Variants in FBXO9 observed in about 807,000 individuals in gnomAD.
FBXO9 encodes the protein F-box protein 9.
In FBXO9, 43 loss-of-function variants were observed where a neutral mutation model predicts 63.7. The observed-to-expected ratio is 0.67, with a 90% CI of 0.53 to 0.87. The LOEUF (loss-of-function observed/expected upper bound fraction) is 0.87. FBXO9 is among the 40% of genes least tolerant of loss of function. FBXO9 has a pLI of 0.00. For synonymous variants in FBXO9, 156 were observed against 171.7 expected, an observed-to-expected ratio of 0.91 and a Z score of 0.72; for missense variants, 442 against 533.2, an observed-to-expected ratio of 0.83 and a Z score of 1.68.
Position 53,099,741 on chromosome 6 carries a change from CAAAAAA to C in FBXO9, c.*1912_*1917del, listed in dbSNP as rs1212975858. Reference sequence around the variant, plus strand: ...TGGGTGAGAAAGCGAGACCCTGTCTCAAAAAAGAAAAAAAAGAGAGGTTGGCCTTTT... The same window carrying C: ...TGGGTGAGAAAGCGAGACCCTGTCTCGAAAAAAAAGAGAGGTTGGCCTTTT... On this transcript the variant is annotated 3_prime_UTR_variant, in exon 13 of 13. Transcript: ENST00000323557. 2.0e-5 allele frequency: 3 copies of C among 151,310 alleles called. No individual in the cohort carries two copies. The highest frequency in any genetic ancestry group is 7.3e-5 in the African/African-American group (3 of 41,136). 9.4% of individuals were successfully genotyped at this position (151,310 alleles called of 1,614,324 possible).
At chr6:53,090,737 C>T (rs537136490) in intron 7 of FBXO9, among the ~76,000 whole-genome samples, 4 of 152,054 alleles carry the variant, frequency 2.6e-5, no homozygotes, top group East Asian at 1.9e-4. Context: ...CTGGAGTGCA[C>T]TGACACCATC....
chr6:53,065,744 A>AGGG lies in FBXO9; in HGVS notation c.-43_-41dup. 7.0e-7 allele frequency: 1 copy of AGGG among 1,422,342 alleles called. No homozygotes were observed. 88.1% of individuals were successfully genotyped at this position (1,422,342 alleles called of 1,614,324 possible). Reference sequence around the variant, plus strand: ...ACCCCTCCTCCGGGGGGCGGTGCAGAGGGGGCACGGAGAGCCCCTCGAGCG... The same window carrying AGGG: ...ACCCCTCCTCCGGGGGGCGGTGCAGAGGGGGGGGCACGGAGAGCCCCTCGAGCG... On this transcript the variant is annotated 5_prime_UTR_variant, in exon 1 of 13. Coordinates refer to ENST00000323557, the MANE Select transcript of FBXO9 (RefSeq NM_033480.3).
At chr6:53,077,843 G>C (rs984016382) in intron 4 of FBXO9, among the ~76,000 whole-genome samples, 6 of 152,160 alleles carry the variant, frequency 3.9e-5, no homozygotes, top group Admixed American at 6.5e-5. Flanking sequence ...AATTCATCCA[G>C]AATAATAGAA....
At chr6:53,073,387 C>T (rs924636215) in intron 2 of FBXO9, 94 bp from the exon 3 acceptor site, 37 of 918,136 alleles carry the variant, frequency 4.0e-5, no homozygotes, top group Middle Eastern at 2.2e-4. Flanking sequence ...TAAGTATATA[C>T]GTGGAAGTAG....
At chr6:53,077,684 A>G (rs1044065850) in intron 4 of FBXO9, among the ~76,000 whole-genome samples, 2 of 152,168 alleles carry the variant, frequency 1.3e-5, no homozygotes, top group East Asian at 1.9e-4. Flanking sequence ...AAATGCCCCA[A>G]AACTAACATC....
At chr6:53,072,120 G>T (rs1431242919) in intron 2 of FBXO9, among the ~76,000 whole-genome samples, 1 of 151,800 alleles carries the variant, frequency 6.6e-6, no homozygotes, top group Non-Finnish European at 1.5e-5. Flanking sequence ...AGATTCTGCA[G>T]GTCAGAGATC....
At chr6:53,082,437 TG>T in intron 6 of FBXO9, 66 bp from the exon 7 acceptor site, 1 of 1,012,212 alleles carries the variant, frequency 9.9e-7, no homozygotes, top group Non-Finnish European at 1.5e-6. Context: ...ATAAATGTAC[TG>T]GGAATGTAGT....
chr6:53,097,666 A>G, intron 12 of FBXO9, 56 bp from the exon 13 acceptor site: 1 of 1,039,274 alleles, frequency 9.6e-7, no homozygotes, highest in Non-Finnish European at 1.4e-6. Context: ...ACACACAAGG[A>G]TTTTAAATGA....
intron 12 of FBXO9, among the ~76,000 whole-genome samples, 155 bp from the exon 13 acceptor site, chr6:53,097,567 G>A (rs988744416): frequency 2.0e-5 from 3 of 151,712 alleles, no homozygotes; most frequent in Non-Finnish European, 2.9e-5. Context: ...TAAATTTTTC[G>A]AGTTTTCTAC....
chr6:53,094,422 G>GA (rs1055400437), intron 11 of FBXO9, among the ~76,000 whole-genome samples: 6 of 151,812 alleles, frequency 4.0e-5, no homozygotes, highest in South Asian at 2.1e-4. Flanking sequence ...CTTAAAAAAG[G>GA]AAAAAAATGC....
intron 4 of FBXO9, among the ~76,000 whole-genome samples, chr6:53,077,075 T>G (rs913571935): frequency 8.5e-5 from 13 of 152,150 alleles, no homozygotes; most frequent in African/African-American, 3.1e-4. Flanking sequence ...AAATATGCTC[T>G]TTTTATAGGT....
intron 1 of FBXO9, chr6:53,070,801 CG>C (rs780827527): frequency 2.2e-5 from 9 of 408,148 alleles, no homozygotes; most frequent in African/African-American, 1.0e-4. Context: ...TTAAATTTGG[CG>C]GGGGGGAAAT....
chr6:53,078,424 A>G (rs1769193732), intron 4 of FBXO9, among the ~76,000 whole-genome samples: 1 of 152,198 alleles, frequency 6.6e-6, no homozygotes, highest in Non-Finnish European at 1.5e-5. Context: ...TGCCAACTGC[A>G]CTCCAACCTG....
intron 7 of FBXO9, 79 bp downstream of exon 7, chr6:53,082,697 A>C (rs1769354740): frequency 2.0e-6 from 2 of 983,324 alleles, no homozygotes; most frequent in Non-Finnish European, 3.1e-6. Flanking sequence ...AATCCTGATA[A>C]AATTACTTGA....
At chr6:53,080,317 GT>G (rs1287515215) in intron 5 of FBXO9, among the ~76,000 whole-genome samples, 1 of 136,598 alleles carries the variant, frequency 7.3e-6, no homozygotes, top group Non-Finnish European at 1.6e-5. Context: ...TTGTTTTTTT[GT>G]TTTTTTTAAG....
chr6:53,099,221 T>TAAAAAAA lies in FBXO9; in HGVS notation c.*1392_*1393insAAAAAAA, dbSNP rs1763290364. 1.2e-5 allele frequency: 1 copy of TAAAAAAA among 80,602 alleles called. No homozygotes were observed. Among genetic ancestry groups the TAAAAAAA allele is most frequent in the Non-Finnish European group, 2.4e-5 (1 of 40,898 alleles). 5.0% of individuals were successfully genotyped at this position (80,602 alleles called of 1,614,324 possible). ...GGGCAACATGGCAAAACACCGTCTC[T>TAAAAAAA]ACAAAAAAAAAAAAAAAAAAAATTA... is the stretch of plus-strand genomic sequence containing the variant. On this transcript the variant is annotated 3_prime_UTR_variant, in exon 13 of 13. Transcript: ENST00000323557.
intron 1 of FBXO9, among the ~76,000 whole-genome samples, chr6:53,070,411 T>C (rs973095195): frequency 1.3e-5 from 2 of 152,226 alleles, no homozygotes; most frequent in Non-Finnish European, 2.9e-5. Context: ...AGATTAATCA[T>C]AAATCATTTA....
intron 7 of FBXO9, among the ~76,000 whole-genome samples, chr6:53,086,552 G>A (rs1240317338): frequency 1.3e-5 from 2 of 152,128 alleles, no homozygotes; most frequent in Non-Finnish European, 2.9e-5. Flanking sequence ...CTGATTAAAA[G>A]GGTACTTGAA....
intron 3 of FBXO9, among the ~76,000 whole-genome samples, chr6:53,075,686 G>A (rs222443): frequency 1.4e-5 from 2 of 143,810 alleles, no homozygotes; most frequent in African/African-American, 5.1e-5. Context: ...TTCTCTCTCT[G>A]AAATATCTGT....
Sources: gnomAD v4.1 joint callset for allele counts (sites outside exome capture counted in the v4.1 genomes callset) on GRCh38, gnomAD v4.1.1 for gene constraint, MANE v1.5 for transcripts, NCBI Gene and HGNC (gene_info 2026-07-23, HGNC 2026-07-21) for gene names.